Variants in SUCLG2 observed in about 807,000 individuals in gnomAD.
SUCLG2 encodes the protein succinate-CoA ligase GDP-forming subunit beta.
A neutral mutation model predicts 47.9 loss-of-function variants in SUCLG2; 42 were observed. The observed-to-expected ratio is 0.88, with a 90% CI of 0.69 to 1.14. The LOEUF (loss-of-function observed/expected upper bound fraction) is 1.14. Ranked by LOEUF, SUCLG2 falls within the 50% of genes most tolerant of loss-of-function variation. The pLI, the probability that SUCLG2 is intolerant of heterozygous loss-of-function variation, is 0.00. For synonymous variants in SUCLG2, 195 were observed against 197.3 expected (o/e 0.99, Z 0.10); for missense variants, 571 against 525.9 (o/e 1.09, Z -0.84).
intron 4 of SUCLG2, among the ~76,000 whole-genome samples, chr3:67,521,474 A>G (rs1407449722): frequency 6.6e-6 from 1 of 152,192 alleles, no homozygotes; most frequent in East Asian, 1.9e-4. Context: ...TTCATGTAAC[A>G]GCCCCACCAG....
intron 9 of SUCLG2, among the ~76,000 whole-genome samples, chr3:67,454,118 G>A (rs1704123914): frequency 6.6e-6 from 1 of 152,152 alleles, no homozygotes; most frequent in Non-Finnish European, 1.5e-5. Context: ...AAATTTTTAT[G>A]TTCATTCCCA....
At chr3:67,384,677 A>AT (rs1702224850) in intron 10 of SUCLG2, among the ~76,000 whole-genome samples, 1 of 152,212 alleles carries the variant, frequency 6.6e-6, no homozygotes, top group South Asian at 2.1e-4. Context: ...AAGCAGCTAT[A>AT]TATCTAGGAG....
chr3:67,459,068 T>C (rs1704260575), intron 9 of SUCLG2, among the ~76,000 whole-genome samples: 1 of 152,196 alleles, frequency 6.6e-6, no homozygotes, highest in South Asian at 2.1e-4. Flanking sequence ...AGGTCAATTA[T>C]CCAAATGCTC....
At chr3:67,593,870 C>T (rs1708232307) in intron 2 of SUCLG2, among the ~76,000 whole-genome samples, 1 of 152,204 alleles carries the variant, frequency 6.6e-6, no homozygotes, top group Admixed American at 6.5e-5. Flanking sequence ...GGATCCATGC[C>T]ATTTTCCAAG....
intron 1 of SUCLG2, among the ~76,000 whole-genome samples, chr3:67,626,023 C>T (rs55700544): frequency 0.057 from 7,576 of 133,570 alleles, 243 homozygotes; most frequent in African/African-American, 0.097. Context: ...TATATATTTA[C>T]ATTTTTTTTT....
chr3:67,453,999 ATTG>A (rs537962287), intron 9 of SUCLG2, among the ~76,000 whole-genome samples: 24 of 152,284 alleles, frequency 1.6e-4, no homozygotes, highest in African/African-American at 1.9e-4. Context: ...ATTACTGCCT[ATTG>A]TTCTTACATA....
intron 2 of SUCLG2, among the ~76,000 whole-genome samples, chr3:67,535,992 A>C (rs750322499): frequency 2.6e-5 from 4 of 152,232 alleles, no homozygotes; most frequent in Non-Finnish European, 5.9e-5. Flanking sequence ...TGCGGGTTGA[A>C]AATGAACAGC....
At chr3:67,599,231 C>G (rs1708361425) in intron 2 of SUCLG2, among the ~76,000 whole-genome samples, 1 of 152,160 alleles carries the variant, frequency 6.6e-6, no homozygotes, top group Non-Finnish European at 1.5e-5. Flanking sequence ...GATTTGAATT[C>G]AAGGCGAACT....
chr3:67,461,335 G>T (rs966100108), intron 9 of SUCLG2, among the ~76,000 whole-genome samples: 5 of 152,056 alleles, frequency 3.3e-5, no homozygotes, highest in African/African-American at 1.2e-4. Flanking sequence ...TCTGCTTGAA[G>T]TCTTGAAAGT....
intron 10 of SUCLG2, among the ~76,000 whole-genome samples, chr3:67,365,772 T>C (rs1458918571): frequency 6.6e-6 from 1 of 152,198 alleles, no homozygotes; most frequent in South Asian, 2.1e-4. Context: ...TAAGAATTTC[T>C]TGACGATTTT....
chr3:67,546,873 C>A (rs1205622246), intron 2 of SUCLG2, among the ~76,000 whole-genome samples: 2 of 152,214 alleles, frequency 1.3e-5, no homozygotes. Context: ...TGCACTCCAG[C>A]CTGGGTTACA....
Sources: gnomAD v4.1 joint callset for allele counts (sites outside exome capture counted in the v4.1 genomes callset) on GRCh38, gnomAD v4.1.1 for gene constraint, MANE v1.5 for transcripts, NCBI Gene and HGNC (gene_info 2026-07-23, HGNC 2026-07-21) for gene names.